ATRN: variants seen among roughly 807,000 people sequenced by gnomAD.
The protein encoded by ATRN is attractin.
A neutral mutation model predicts 178.7 loss-of-function variants in ATRN; 54 were observed. The observed-to-expected ratio is 0.30, with a 90% CI of 0.24 to 0.38. The LOEUF is 0.38. ATRN is among the 10% of genes least tolerant of loss of function. The pLI is 1.00. For missense variants in ATRN, 1,443 were observed against 1,815.1 expected, an observed-to-expected ratio of 0.79 and a Z score of 3.73; for synonymous variants, 636 against 663.0, an observed-to-expected ratio of 0.96 and a Z score of 0.63.
At chr20:3,594,078 T>C (rs1302319220) in intron 19 of ATRN, among the ~76,000 whole-genome samples, 1 of 152,140 alleles carries the variant, frequency 6.6e-6, no homozygotes, top group Non-Finnish European at 1.5e-5. Context: ...CAGAGGACAG[T>C]CACCTCCAGA....
chr20:3,545,936 T>C, intron 4 of ATRN, 46 bp downstream of exon 4: 1 of 1,590,612 alleles, frequency 6.3e-7, no homozygotes, highest in Non-Finnish European at 8.6e-7. Flanking sequence ...CAGGAGACTA[T>C]CTACTATGTT....
chr20:3,482,154 A>G (rs1225799544), intron 1 of ATRN, among the ~76,000 whole-genome samples: 2 of 151,956 alleles, frequency 1.3e-5, no homozygotes, highest in East Asian at 3.8e-4. Flanking sequence ...TATAATGTCT[A>G]TTTTAAATAT....
At chr20:3,569,608 CAAT>C (rs1331626807) in intron 11 of ATRN, among the ~76,000 whole-genome samples, 1 of 152,086 alleles carries the variant, frequency 6.6e-6, no homozygotes, top group Non-Finnish European at 1.5e-5. Flanking sequence ...TTGTTTTCTT[CAAT>C]AATAAATTAA....
At chr20:3,556,948 A>T (rs1282019162) in intron 6 of ATRN, among the ~76,000 whole-genome samples, 1 of 152,212 alleles carries the variant, frequency 6.6e-6, no homozygotes, top group Non-Finnish European at 1.5e-5. Context: ...ATACATTAAG[A>T]GACAGATTGG....
At chr20:3,493,002 T>C (rs2084826315) in intron 1 of ATRN, among the ~76,000 whole-genome samples, 2 of 146,806 alleles carry the variant, frequency 1.4e-5, no homozygotes, top group Non-Finnish European at 3.0e-5. Context: ...TATAATTATG[T>C]AAAATATAAT....
intron 24 of ATRN, among the ~76,000 whole-genome samples, chr20:3,619,789 G>A (rs1784882909): frequency 6.6e-6 from 1 of 152,182 alleles, no homozygotes; most frequent in African/African-American, 2.4e-5. Context: ...TGAGCTCAGA[G>A]GTTGGGGAAG....
chr20:3,612,671 G>C (rs546942428), intron 24 of ATRN, among the ~76,000 whole-genome samples: 21 of 152,064 alleles, frequency 1.4e-4, no homozygotes, highest in Non-Finnish European at 2.8e-4. Context: ...TATTTGTTAG[G>C]TTATTTTCAT....
intron 20 of ATRN, among the ~76,000 whole-genome samples, chr20:3,595,127 C>T (rs936491162): frequency 6.6e-6 from 1 of 152,228 alleles, no homozygotes; most frequent in Non-Finnish European, 1.5e-5. Flanking sequence ...TCAGACCTGG[C>T]CCTGCCTCCA....
chr20:3,618,984 G>A (rs1361838880), intron 24 of ATRN, among the ~76,000 whole-genome samples: 1 of 152,254 alleles, frequency 6.6e-6, no homozygotes, highest in Non-Finnish European at 1.5e-5. Context: ...GCCAAGAAGA[G>A]TAGAGGCCTC....
In ATRN at chr20:3,638,961, A is replaced by G. The variant is rs759833622; in HGVS notation, c.4050+26A>G. On this transcript the variant is annotated intron_variant, in intron 27 of 28. Transcript: ENST00000262919. The surrounding 1 kb of genome is among the most constrained non-coding windows in gnomAD (Gnocchi z 4.5). ...GTGAGAATGTGACTCAGAAGTCCCT[A>G]TAACTTGACTTTTTAAAACTTAGGC... 33 of 1,589,046 alleles carry G rather than the reference A, an allele frequency of 2.1e-5. No homozygotes were observed. In the East Asian group the frequency reaches 6.7e-4, roughly 32 times the overall value.
intron 25 of ATRN, 66 bp downstream of exon 25, chr20:3,624,638 T>TCAGCTCCTAAAAGATAAAAAGA: frequency 8.1e-7 from 1 of 1,228,780 alleles, no homozygotes; most frequent in Non-Finnish European, 1.2e-6. Context: ...TAATAGAGTA[T>TCAGCTCCTAAAAGATAAAAAGA]CAGCTCCTAA....
chr20:3,630,706 G>A (rs376600278), intron 25 of ATRN, among the ~76,000 whole-genome samples: 3 of 152,124 alleles, frequency 2.0e-5, no homozygotes, highest in East Asian at 1.9e-4. Context: ...ATGGCCTCTT[G>A]TGTAGTAAAC....
Position 3,638,041 on chromosome 20 carries a change from G to A in ATRN, c.3943-787G>A, listed in dbSNP as rs2087038580. ...CTGACTTTAGTAGTAGAAATACGAG[G>A]AGATAGAGCCACACCATTTTATGTA... is the stretch of plus-strand genomic sequence containing the variant. On this transcript the variant is annotated intron_variant, in intron 26 of 28. Transcript: ENST00000262919. This position sits in a 1 kb window ranked among gnomAD's most constrained non-coding sequence, Gnocchi z 4.5. Among the ~76,000 whole-genome samples the A allele has an allele frequency of 6.6e-6, 1 of 152,182 alleles. No homozygotes were observed. The highest frequency in any genetic ancestry group is 1.9e-4 in the East Asian group (1 of 5,198).
intron 1 of ATRN, among the ~76,000 whole-genome samples, chr20:3,523,404 A>G (rs2085322484): frequency 6.6e-6 from 1 of 152,170 alleles, no homozygotes; most frequent in Non-Finnish European, 1.5e-5. Flanking sequence ...CCTCCAAGAA[A>G]TATGGGACTA....
At chr20:3,597,654 G>A (rs2086549793) in intron 21 of ATRN, among the ~76,000 whole-genome samples, 1 of 152,172 alleles carries the variant, frequency 6.6e-6, no homozygotes, top group African/African-American at 2.4e-5. Context: ...AGCCTTTTCA[G>A]ATAATTATGG....
chr20:3,566,305 A>C (rs1179291589), intron 11 of ATRN, among the ~76,000 whole-genome samples: 1 of 152,166 alleles, frequency 6.6e-6, no homozygotes, highest in Non-Finnish European at 1.5e-5. Flanking sequence ...AGAGCTCTTC[A>C]AAAAATCGGC....
chr20:3,642,696 G>T (rs1383583785), intron 27 of ATRN, among the ~76,000 whole-genome samples: 1 of 152,122 alleles, frequency 6.6e-6, no homozygotes, highest in Non-Finnish European at 1.5e-5. Flanking sequence ...ATTTTCTTCA[G>T]CCAAACTGAA....
chr20:3,593,983 G>A (rs2086488442), intron 19 of ATRN, among the ~76,000 whole-genome samples: 1 of 152,150 alleles, frequency 6.6e-6, no homozygotes, highest in Admixed American at 6.5e-5. Flanking sequence ...GCTGACCTTG[G>A]CATTGGATCC....
At chr20:3,577,443 T>C (rs2086228359) in intron 14 of ATRN, among the ~76,000 whole-genome samples, 1 of 152,174 alleles carries the variant, frequency 6.6e-6, no homozygotes, top group South Asian at 2.1e-4. Flanking sequence ...CAGCAGCACC[T>C]TTTAGGGGTG....
Sources: allele counts gnomAD v4.1 joint callset (sites outside exome capture counted in the v4.1 genomes callset), GRCh38; gene constraint gnomAD v4.1.1; non-coding constraint Gnocchi (gnomAD v3.1); transcripts MANE v1.5; gene names NCBI Gene and HGNC (gene_info 2026-07-23, HGNC 2026-07-21).